Variants in FRZB observed in about 807,000 individuals in gnomAD.
The protein encoded by FRZB is secreted frizzled-related protein 3.
FRZB carries 34 observed loss-of-function variants against 32.5 expected under a neutral mutation model. The ratio of observed to expected loss-of-function variants is 1.05; its 90% confidence interval spans 0.80 to 1.39. The LOEUF (loss-of-function observed/expected upper bound fraction) is 1.39. Among genes scored for constraint, FRZB ranks in the 40% most tolerant of loss-of-function variants. FRZB has a pLI of 0.00. For missense variants in FRZB, 423 were observed against 424.8 expected, an observed-to-expected ratio of 1.00 and a Z score of 0.04; for synonymous variants, 170 against 159.2, an observed-to-expected ratio of 1.07 and a Z score of -0.51.
chr2:182,858,266 G>C (rs1278036258), intron 2 of FRZB, among the ~76,000 whole-genome samples: 1 of 152,220 alleles, frequency 6.6e-6, no homozygotes, highest in Admixed American at 6.5e-5. Context: ...CCTTGAAGGA[G>C]TGAATGGGTG....
intron 2 of FRZB, among the ~76,000 whole-genome samples, chr2:182,851,370 T>G (rs1439194306): frequency 6.6e-6 from 1 of 152,186 alleles, no homozygotes; most frequent in Non-Finnish European, 1.5e-5. Flanking sequence ...AACAATTACT[T>G]CAGGGCTGGG....
At chr2:182,851,612 T>A (rs1348307934) in intron 2 of FRZB, among the ~76,000 whole-genome samples, 1 of 151,818 alleles carries the variant, frequency 6.6e-6, no homozygotes, top group Non-Finnish European at 1.5e-5. Context: ...GCTGAGATCG[T>A]GCTATTGCAC....
chr2:182,836,140 C>A (rs899927281), intron 5 of FRZB, among the ~76,000 whole-genome samples: 6 of 152,124 alleles, frequency 3.9e-5, no homozygotes, highest in Admixed American at 2.0e-4. Context: ...CCAAGGAAGT[C>A]CAAACATCTT....
At chr2:182,846,365 A>G (rs1255779818) in intron 2 of FRZB, among the ~76,000 whole-genome samples, 1 of 152,264 alleles carries the variant, frequency 6.6e-6, no homozygotes, top group South Asian at 2.1e-4. Context: ...TCAGATCCCC[A>G]AACTCTCATA....
chr2:182,862,261 C>A (rs892486126), intron 1 of FRZB, among the ~76,000 whole-genome samples: 8 of 152,204 alleles, frequency 5.3e-5, no homozygotes, highest in Non-Finnish European at 8.8e-5. Context: ...TTAACACTGC[C>A]CCAGAAGCCA....
intron 4 of FRZB, 51 bp from the exon 5 acceptor site, chr2:182,838,062 G>A: frequency 7.1e-7 from 1 of 1,409,672 alleles, no homozygotes; most frequent in Non-Finnish European, 1.0e-6. Flanking sequence ...ACCTGTTACT[G>A]AAAAGTACAA....
chr2:182,863,853 G>A (rs1695860600), intron 1 of FRZB, among the ~76,000 whole-genome samples: 1 of 151,466 alleles, frequency 6.6e-6, no homozygotes, highest in Admixed American at 6.6e-5. Context: ...GGCCCTGGAA[G>A]CCAGGAGACC....
At chr2:182,864,256 C>A (rs1303151640) in intron 1 of FRZB, among the ~76,000 whole-genome samples, 1 of 152,200 alleles carries the variant, frequency 6.6e-6, no homozygotes, top group Admixed American at 6.5e-5. Context: ...CTCACTCACT[C>A]TAGGTCCACC....
At chr2:182,854,253 T>G (rs977955569) in intron 2 of FRZB, among the ~76,000 whole-genome samples, 1 of 152,204 alleles carries the variant, frequency 6.6e-6, no homozygotes, top group Non-Finnish European at 1.5e-5. Context: ...TGCACTTTTC[T>G]GCATGCATGT....
intron 2 of FRZB, among the ~76,000 whole-genome samples, chr2:182,855,937 C>T (rs1339208960): frequency 2.0e-5 from 3 of 152,024 alleles, no homozygotes; most frequent in African/African-American, 7.2e-5. Flanking sequence ...CAATTATTTG[C>T]AAGACTGCCA....
rs943840241 is a variant in FRZB at position 182,849,054 on chromosome 2, C to G, written c.527-6511G>C. Reference sequence around the variant, plus strand: ...CATCCTGGCTAACACGGTGAAACCCCGTCTCTACTAAAAATACAACAAATT... The same window carrying G: ...CATCCTGGCTAACACGGTGAAACCCGGTCTCTACTAAAAATACAACAAATT... On this transcript the variant is annotated intron_variant, in intron 2 of 5. Transcript: ENST00000295113. Among the ~76,000 whole-genome samples the G allele has an allele frequency of 3.9e-5, 6 of 152,100 alleles. 1 individual carries two copies. The highest frequency in any genetic ancestry group is 1.4e-4 in the African/African-American group (6 of 41,498).
chr2:182,863,325 A>G (rs895982588), intron 1 of FRZB, among the ~76,000 whole-genome samples: 1 of 152,236 alleles, frequency 6.6e-6, no homozygotes, highest in African/African-American at 2.4e-5. Context: ...AATCAGTTGT[A>G]CATGTAGTCA....
At chr2:182,851,018 T>C (rs911415390) in intron 2 of FRZB, among the ~76,000 whole-genome samples, 2 of 152,256 alleles carry the variant, frequency 1.3e-5, no homozygotes, top group Non-Finnish European at 2.9e-5. Context: ...TAAGTCTTCT[T>C]TTGAGAAATG....
chr2:182,860,665 G>T (rs1302489340), intron 1 of FRZB, among the ~76,000 whole-genome samples: 2 of 152,066 alleles, frequency 1.3e-5, no homozygotes, highest in Non-Finnish European at 2.9e-5. Flanking sequence ...TCAGGAGTTC[G>T]AGACCAGCCT....
chr2:182,856,896 T>C (rs1017060514), intron 2 of FRZB, among the ~76,000 whole-genome samples: 3 of 151,866 alleles, frequency 2.0e-5, no homozygotes, highest in African/African-American at 7.3e-5. Context: ...CGGTAATCAA[T>C]AGATCTAGTA....
intron 2 of FRZB, among the ~76,000 whole-genome samples, chr2:182,851,785 A>C (rs181405644): frequency 2.6e-4 from 40 of 152,328 alleles, no homozygotes; most frequent in Non-Finnish European, 4.4e-4. Context: ...GAGAGTAATC[A>C]CAACTAGAGT....
rs140578593 is a variant in FRZB, at chr2:182,835,447, TG to T, written c.862-483del. ...AAAAAATGGAAATTTTTTTGAGGGA[TG>T]GGGGGGTCTCAAAAATATTTTTCTA... is the stretch of plus-strand genomic sequence containing the variant. On this transcript the variant is annotated intron_variant, in intron 5 of 5. Transcript: ENST00000295113. Among the ~76,000 whole-genome samples the T allele has an allele frequency of 4.6e-5, 7 of 151,626 alleles. No individual in the cohort carries two copies. In the East Asian group the frequency reaches 1.2e-3, roughly 25 times the overall value.
intron 2 of FRZB, among the ~76,000 whole-genome samples, chr2:182,847,516 G>T (rs1695658952): frequency 6.6e-6 from 1 of 152,218 alleles, no homozygotes; most frequent in Admixed American, 6.5e-5. Context: ...GCAACGTGAT[G>T]ACTGGACCCT....
In FRZB at chr2:182,866,359, G is replaced by A. The variant is rs757904365; in HGVS notation, c.194C>T (p.Ala65Val). ...NHLHHSTQANAILAIEQFEGL... is the reference protein window; with the variant it reads ...NHLHHSTQANVILAIEQFEGL... The stretch of plus-strand genomic sequence containing the variant: ...TTCGAACTGCTCGATGGCCAGGATG[G>A]CGTTGGCCTGAGTGCTGTGGTGCAG... The change falls in exon 1 of 6, where the codon GCC becomes GTC. Residue 65 changes from alanine (A) to valine (V), a missense_variant. Ala to Val is a moderately conservative substitution (Grantham distance 64). Coordinates refer to ENST00000295113, the MANE Select transcript of FRZB (RefSeq NM_001463.4). This position sits in a 1 kb window ranked among gnomAD's most constrained non-coding sequence, Gnocchi z 4.5. The A allele has an allele frequency of 5.0e-6, 8 of 1,614,092 alleles. No homozygotes were observed. Among genetic ancestry groups the A allele is most frequent in the Non-Finnish European group, 6.8e-6 (8 of 1,179,914 alleles).
Sources: allele counts gnomAD v4.1 joint callset (sites outside exome capture counted in the v4.1 genomes callset), GRCh38; gene constraint gnomAD v4.1.1; non-coding constraint Gnocchi (gnomAD v3.1); transcripts MANE v1.5; gene names NCBI Gene and HGNC (gene_info 2026-07-23, HGNC 2026-07-21).